Variants in TMEM132D observed in about 807,000 individuals in gnomAD.
The protein encoded by TMEM132D is transmembrane protein 132D, also known as mature OL transmembrane protein.
TMEM132D carries 21 observed loss-of-function variants against 62.3 expected under a neutral mutation model. The ratio of observed to expected loss-of-function variants is 0.34; its 90% CI spans 0.24 to 0.49. TMEM132D has a LOEUF of 0.49. Among genes scored for constraint, TMEM132D ranks in the 20% least tolerant of loss-of-function variants. The pLI, the probability that TMEM132D is intolerant of heterozygous loss-of-function variation, is 0.99. For synonymous variants in TMEM132D, 621 were observed against 575.6 expected, an observed-to-expected ratio of 1.08 and a Z score of -1.13; for missense variants, 1,346 against 1,402.8, an observed-to-expected ratio of 0.96 and a Z score of 0.65.
intron 5 of TMEM132D, among the ~76,000 whole-genome samples, chr12:129,189,963 A>G (rs1878337266): frequency 6.6e-6 from 1 of 151,862 alleles, no homozygotes; most frequent in East Asian, 1.9e-4. Context: ...TAAAAGTGGA[A>G]GAGGGAGGCA....
chr12:129,090,289 G>A (rs1262083364), intron 5 of TMEM132D, among the ~76,000 whole-genome samples: 1 of 152,118 alleles, frequency 6.6e-6, no homozygotes, highest in Non-Finnish European at 1.5e-5. Flanking sequence ...CAGGGGCCAG[G>A]GTGTCTTTAA....
At chr12:129,368,623 G>A (rs1870499990) in intron 3 of TMEM132D, among the ~76,000 whole-genome samples, 2 of 151,772 alleles carry the variant, frequency 1.3e-5, no homozygotes, top group South Asian at 4.2e-4. Flanking sequence ...GACCCCATAA[G>A]TTCTGGGTCC....
At chr12:129,326,533 G>T (rs928478846) in intron 4 of TMEM132D, among the ~76,000 whole-genome samples, 1 of 152,196 alleles carries the variant, frequency 6.6e-6, no homozygotes, top group Non-Finnish European at 1.5e-5. Flanking sequence ...CAAAGTTTCA[G>T]CTTTTTATTG....
At chr12:129,877,472 C>T (rs1312290491) in intron 1 of TMEM132D, among the ~76,000 whole-genome samples, 3 of 152,162 alleles carry the variant, frequency 2.0e-5, no homozygotes, top group African/African-American at 7.2e-5. Context: ...TCCTTAAACG[C>T]GTAAAACAGA....
At chr12:129,887,919 A>C (rs146930214) in intron 1 of TMEM132D, among the ~76,000 whole-genome samples, 2 of 152,340 alleles carry the variant, frequency 1.3e-5, no homozygotes, top group African/African-American at 2.4e-5. Context: ...GAACTTAACG[A>C]GATAAGGCAG....
At chr12:129,141,580 G>C (rs1876741978) in intron 5 of TMEM132D, among the ~76,000 whole-genome samples, 1 of 152,164 alleles carries the variant, frequency 6.6e-6, no homozygotes, top group Non-Finnish European at 1.5e-5. Flanking sequence ...AGTGAACTAA[G>C]TTGGCGAGAA....
chr12:129,480,734 G>C lies in TMEM132D; in HGVS notation c.1115+50325C>G, dbSNP rs532101012. 2.9e-4 allele frequency among the ~76,000 whole-genome samples: 44 copies of C among 152,290 alleles called. 2 individuals are homozygous for C. In the East Asian group the frequency reaches 7.3e-3, roughly 25 times the overall value. ...GAAAGTTGGGCAATGCTAAGTGTTG[G>C]CAAGAACGTAGAGAAACGGTAGCTC... On this transcript the variant is annotated intron_variant, in intron 3 of 8. Coordinates refer to ENST00000422113, the MANE Select transcript of TMEM132D (RefSeq NM_133448.3).
intron 5 of TMEM132D, among the ~76,000 whole-genome samples, chr12:129,141,008 T>C (rs1205248426): frequency 2.0e-5 from 3 of 152,220 alleles, no homozygotes; most frequent in Non-Finnish European, 4.4e-5. Flanking sequence ...TCATTGGGAA[T>C]AATATTAAAG....
At chr12:129,171,287 C>T (rs1877717719) in intron 5 of TMEM132D, among the ~76,000 whole-genome samples, 2 of 152,144 alleles carry the variant, frequency 1.3e-5, no homozygotes, top group African/African-American at 4.8e-5. Context: ...CCATTCAGCC[C>T]CATCTTCAGG....
chr12:129,764,566 G>T (rs185349049), intron 1 of TMEM132D, among the ~76,000 whole-genome samples: 1 of 144,974 alleles, frequency 6.9e-6, no homozygotes, highest in African/African-American at 2.6e-5. Flanking sequence ...GTGTGTGCAC[G>T]TGCATGTGTA....
At chr12:129,701,992 C>G (rs759115162) in intron 1 of TMEM132D, among the ~76,000 whole-genome samples, 11 of 152,210 alleles carry the variant, frequency 7.2e-5, no homozygotes, top group African/African-American at 9.7e-5. Context: ...GTCACTGACC[C>G]TCGTTGTTTC....
At position 129,544,798 on chromosome 12, in the gene TMEM132D, C is replaced by T. The variant is rs75639052; in HGVS notation, c.969-13593G>A. Among the ~76,000 whole-genome samples, 695 of 152,328 alleles carry T rather than the reference C, an allele frequency of 4.6e-3. 3 individuals are homozygous for T. The highest frequency in any genetic ancestry group is 0.016 in the African/African-American group (661 of 41,562). On this transcript the variant is annotated intron_variant, in intron 2 of 8. Coordinates refer to ENST00000422113, the MANE Select transcript of TMEM132D (RefSeq NM_133448.3). ...TACCAGACTTTGGGACAACATTCCT[C>T]CTAGAGATTAAAAGTAACACTTATC...
chr12:129,582,164 T>C (rs958073834), intron 2 of TMEM132D, among the ~76,000 whole-genome samples: 4 of 152,258 alleles, frequency 2.6e-5, no homozygotes, highest in Non-Finnish European at 4.4e-5. Flanking sequence ...ACAGTCCACA[T>C]GGCCGATCCC....
chr12:129,351,733 G>A (rs1011484343), intron 3 of TMEM132D, among the ~76,000 whole-genome samples: 2 of 152,110 alleles, frequency 1.3e-5, no homozygotes, highest in Non-Finnish European at 2.9e-5. Context: ...TTGCTGTTGT[G>A]GAATATATTG....
chr12:129,454,280 T>A (rs1056915548), intron 3 of TMEM132D, among the ~76,000 whole-genome samples: 3 of 152,200 alleles, frequency 2.0e-5, no homozygotes, highest in African/African-American at 7.2e-5. Context: ...GAGGTCTTGG[T>A]GTAAGGCACT....
chr12:129,662,965 A>T (rs7965243), intron 2 of TMEM132D, among the ~76,000 whole-genome samples: 5,107 of 152,168 alleles, frequency 0.034, 237 homozygotes, highest in African/African-American at 0.098. Context: ...TACTGAGGTG[A>T]ATTAAGGAAG....
At chr12:129,447,475 A>T (rs537290833) in intron 3 of TMEM132D, among the ~76,000 whole-genome samples, 3 of 152,318 alleles carry the variant, frequency 2.0e-5, no homozygotes, top group Admixed American at 2.0e-4. Context: ...TCCTAACTAC[A>T]TACTGCCTGC....
intron 2 of TMEM132D, among the ~76,000 whole-genome samples, chr12:129,613,575 C>T (rs2137153350): frequency 6.6e-6 from 1 of 152,338 alleles, no homozygotes; most frequent in Non-Finnish European, 1.5e-5. Flanking sequence ...TTAAACTATG[C>T]AGGAGGCTGC....
chr12:129,228,401 G>A (rs1013203080), intron 4 of TMEM132D, among the ~76,000 whole-genome samples: 3 of 152,110 alleles, frequency 2.0e-5, no homozygotes, highest in Non-Finnish European at 4.4e-5. Context: ...CTTAAAGTGT[G>A]CAATTCATTA....
Sources: gnomAD v4.1 joint callset for allele counts (sites outside exome capture counted in the v4.1 genomes callset) on GRCh38, gnomAD v4.1.1 for gene constraint, MANE v1.5 for transcripts, NCBI Gene and HGNC (gene_info 2026-07-23, HGNC 2026-07-21) for gene names.